SLC35F1: variants seen among roughly 807,000 people sequenced by gnomAD.
The protein encoded by SLC35F1 is solute carrier family 35 member F1.
In SLC35F1, 14 loss-of-function variants were observed where a neutral mutation model predicts 48.7. The observed-to-expected ratio is 0.29, with a 90% CI of 0.19 to 0.45. SLC35F1 has a LOEUF of 0.45. Among genes scored for constraint, SLC35F1 ranks in the 20% least tolerant of loss-of-function variants. The pLI, the probability that SLC35F1 is intolerant of heterozygous loss-of-function variation, is 1.00. For missense variants in SLC35F1, 404 were observed against 500.0 expected (o/e 0.81, Z 1.83); for synonymous variants, 190 against 202.2 (o/e 0.94, Z 0.51).
At chr6:118,181,667 T>G (rs1227581482) in intron 2 of SLC35F1, among the ~76,000 whole-genome samples, 1 of 152,072 alleles carries the variant, frequency 6.6e-6, no homozygotes, top group Non-Finnish European at 1.5e-5. Context: ...CAGCATAAAT[T>G]TTTAATATTC....
At chr6:118,059,588 G>C (rs559782409) in intron 1 of SLC35F1, among the ~76,000 whole-genome samples, 1 of 152,192 alleles carries the variant, frequency 6.6e-6, no homozygotes, top group South Asian at 2.1e-4. Context: ...CATGTCCATC[G>C]CAAGTCGGCA....
chr6:118,011,511 G>A (rs977047079), intron 1 of SLC35F1, among the ~76,000 whole-genome samples: 2 of 152,064 alleles, frequency 1.3e-5, no homozygotes, highest in African/African-American at 4.8e-5. Flanking sequence ...CTCCCACCAG[G>A]CCCCTCCTCC....
rs1451575159 is a variant in SLC35F1, at chr6:117,979,005, GGTCCCT to G, written c.173+71110_173+71115del. 5.5e-4 allele frequency among the ~76,000 whole-genome samples: 84 copies of G among 152,218 alleles called. 1 individual carries two copies. Among genetic ancestry groups the G allele is most frequent in the East Asian group, 3.7e-3 (19 of 5,174 alleles). On this transcript the variant is annotated intron_variant, in intron 1 of 7. Transcript: ENST00000360388. ...CAACTCTTGCCTGAACTCTCAATCT[GGTCCCT>G]GTCAGGCTTGACCTGTTCCCCGCAT...
At chr6:118,182,325 A>ATTT (rs555774982) in intron 2 of SLC35F1, among the ~76,000 whole-genome samples, 1 of 146,000 alleles carries the variant, frequency 6.8e-6, no homozygotes, top group Non-Finnish European at 1.5e-5. Flanking sequence ...AAAAAGAAAA[A>ATTT]TTTTTTTTTT....
chr6:118,121,553 C>T (rs1236078910), intron 1 of SLC35F1, among the ~76,000 whole-genome samples: 1 of 152,186 alleles, frequency 6.6e-6, no homozygotes, highest in East Asian at 1.9e-4. Context: ...AGTGAACTTC[C>T]TGAAGGATCA....
intron 1 of SLC35F1, among the ~76,000 whole-genome samples, chr6:118,002,052 AG>A (rs1185132848): frequency 1.4e-5 from 2 of 147,976 alleles, no homozygotes; most frequent in Non-Finnish European, 3.0e-5. Flanking sequence ...GCGATTCCTC[AG>A]GGATCTAGAA....
intron 1 of SLC35F1, among the ~76,000 whole-genome samples, chr6:118,107,948 G>T (rs1773348246): frequency 1.3e-5 from 2 of 152,090 alleles, no homozygotes; most frequent in African/African-American, 4.8e-5. Context: ...TTGGAACTGT[G>T]TGGCCTCTAG....
chr6:118,031,188 T>C (rs1487626922), intron 1 of SLC35F1, among the ~76,000 whole-genome samples: 1 of 152,234 alleles, frequency 6.6e-6, no homozygotes, highest in Non-Finnish European at 1.5e-5. Flanking sequence ...GGAATGGACC[T>C]GTTCACTCTT....
chr6:118,163,346 A>G (rs1235294259), intron 2 of SLC35F1, among the ~76,000 whole-genome samples: 1 of 152,120 alleles, frequency 6.6e-6, no homozygotes, highest in African/African-American at 2.4e-5. Context: ...TATAGATGGA[A>G]GGAAATTGAC....
intron 7 of SLC35F1, among the ~76,000 whole-genome samples, chr6:118,311,651 C>T (rs1776373222): frequency 6.6e-6 from 1 of 152,124 alleles, no homozygotes; most frequent in South Asian, 2.1e-4. Flanking sequence ...ATTAGCCACG[C>T]ATGGTGGCAG....
At chr6:118,161,124 CT>C (rs1774225032) in intron 2 of SLC35F1, among the ~76,000 whole-genome samples, 1 of 151,956 alleles carries the variant, frequency 6.6e-6, no homozygotes, top group Non-Finnish European at 1.5e-5. Flanking sequence ...TAAAATAGGC[CT>C]ATCAGATAGC....
chr6:118,019,823 A>G (rs976285521), intron 1 of SLC35F1, among the ~76,000 whole-genome samples: 1 of 152,240 alleles, frequency 6.6e-6, no homozygotes, highest in Non-Finnish European at 1.5e-5. Flanking sequence ...GTTTTTAGCC[A>G]TAAATAACCC....
chr6:118,138,444 A>G (rs72961894), intron 1 of SLC35F1, among the ~76,000 whole-genome samples: 3,511 of 152,306 alleles, frequency 0.023, 61 homozygotes, highest in Middle Eastern at 0.034. Flanking sequence ...TTCTGAAGTT[A>G]ACCTATGTTA....
intron 7 of SLC35F1, among the ~76,000 whole-genome samples, chr6:118,293,687 G>A (rs1203644339): frequency 6.6e-6 from 1 of 152,160 alleles, no homozygotes; most frequent in Non-Finnish European, 1.5e-5. Flanking sequence ...ATGGACATGT[G>A]GTTCAGAAGC....
At chr6:117,941,236 C>T (rs1776229321) in intron 1 of SLC35F1, among the ~76,000 whole-genome samples, 1 of 152,084 alleles carries the variant, frequency 6.6e-6, no homozygotes, top group South Asian at 2.1e-4. Context: ...GCTCTTGTAC[C>T]TCTTGAGAAA....
At chr6:117,923,724 T>TGTAC (rs1775964314) in intron 1 of SLC35F1, among the ~76,000 whole-genome samples, 1 of 107,788 alleles carries the variant, frequency 9.3e-6, no homozygotes, top group African/African-American at 4.2e-5. Context: ...TATACATATA[T>TGTAC]ACATATGTAT....
intron 1 of SLC35F1, among the ~76,000 whole-genome samples, chr6:118,055,612 A>G (rs899797050): frequency 3.3e-5 from 5 of 152,150 alleles, no homozygotes; most frequent in Admixed American, 2.6e-4. Flanking sequence ...CCTAAACCCA[A>G]ACCCTAACCT....
chr6:118,251,770 T>C (rs979262431), intron 3 of SLC35F1, among the ~76,000 whole-genome samples: 1 of 152,174 alleles, frequency 6.6e-6, no homozygotes, highest in Non-Finnish European at 1.5e-5. Flanking sequence ...GATCAATTCA[T>C]GTGTATTTGT....
At chr6:118,126,926 A>C (rs1168050210) in intron 1 of SLC35F1, among the ~76,000 whole-genome samples, 1 of 152,152 alleles carries the variant, frequency 6.6e-6, no homozygotes, top group Non-Finnish European at 1.5e-5. Context: ...GTCGTCTGCA[A>C]ACAGGGACAA....
Sources: gnomAD v4.1 joint callset for allele counts (sites outside exome capture counted in the v4.1 genomes callset) on GRCh38, gnomAD v4.1.1 for gene constraint, MANE v1.5 for transcripts, NCBI Gene and HGNC (gene_info 2026-07-23, HGNC 2026-07-21) for gene names.